The following TTC39C variants were observed in gnomAD, a reference collection of about 807,000 sequenced individuals.
TTC39C encodes the protein tetratricopeptide repeat domain 39C.
TTC39C carries 33 observed loss-of-function variants against 76.3 expected under a neutral mutation model. The ratio of observed to expected loss-of-function variants is 0.43; its 90% CI spans 0.33 to 0.58. TTC39C has a LOEUF of 0.58. TTC39C is among the 20% of genes least tolerant of loss of function. TTC39C has a pLI of 0.04. For synonymous variants in TTC39C, 254 were observed against 260.6 expected, an observed-to-expected ratio of 0.97 and a Z score of 0.24; for missense variants, 595 against 701.4, an observed-to-expected ratio of 0.85 and a Z score of 1.71.
rs78310103 is a variant in TTC39C at position 24,116,035 on chromosome 18, A to C, written c.1078+1388A>C. 1.4e-4 allele frequency among the ~76,000 whole-genome samples: 21 copies of C among 152,368 alleles called. No homozygotes were observed. The East Asian group carries it at 4.0e-3, about 29-fold the overall frequency. On this transcript the variant is annotated intron_variant, in intron 7 of 13. Coordinates refer to ENST00000317571, the MANE Select transcript of TTC39C (RefSeq NM_001135993.2). The stretch of plus-strand genomic sequence containing the variant: ...TAGGAAGGTTAACTCAGGAGTTGGT[A>C]GTAACTCGGGCTTCCGATTCAGGCT...
chr18:24,066,550 A>G (rs2084168167), intron 3 of TTC39C, among the ~76,000 whole-genome samples: 1 of 152,200 alleles, frequency 6.6e-6, no homozygotes, highest in Non-Finnish European at 1.5e-5. Flanking sequence ...ATAAATAGTC[A>G]TAATACCATC....
chr18:24,099,027 GTGTGTGTGTA>G (rs2084639316), intron 6 of TTC39C, among the ~76,000 whole-genome samples: 1 of 147,240 alleles, frequency 6.8e-6, no homozygotes, highest in Non-Finnish European at 1.5e-5. Flanking sequence ...GTGTGTGTGT[GTGTGTGTGTA>G]TATATATATC....
upstream of TTC39C, chr18:24,014,685 G>T (rs1369982693): frequency 8.6e-6 from 8 of 929,994 alleles, no homozygotes; most frequent in African/African-American, 3.5e-5. Flanking sequence ...ACGCCGCGCC[G>T]CAGCCGGGCC....
chr18:24,102,762 C>CTGA (rs2084694196), intron 6 of TTC39C, among the ~76,000 whole-genome samples: 1 of 152,164 alleles, frequency 6.6e-6, no homozygotes, highest in South Asian at 2.1e-4. Flanking sequence ...GTTGGCCCCT[C>CTGA]TGATGATGAT....
chr18:24,044,049 TG>T (rs2083831711), intron 1 of TTC39C, among the ~76,000 whole-genome samples: 1 of 75,968 alleles, frequency 1.3e-5, no homozygotes, highest in African/African-American at 4.2e-5. Context: ...CATTTGTGTA[TG>T]TTTGTGTGTG....
At chr18:24,031,146 T>C (rs1286598466) in intron 1 of TTC39C, among the ~76,000 whole-genome samples, 1 of 143,568 alleles carries the variant, frequency 7.0e-6, no homozygotes, top group Non-Finnish European at 1.5e-5. Context: ...TAAGTAGAGC[T>C]GGGGTTTCGC....
Position 24,082,956 on chromosome 18 carries a change from G to A in TTC39C, c.859G>A (p.Ala287Thr). 4 of 1,610,324 alleles carry A rather than the reference G, an allele frequency of 2.5e-6. No individual in the cohort carries two copies. Among genetic ancestry groups the A allele is most frequent in the Non-Finnish European group, 3.4e-6 (4 of 1,178,694 alleles). Residue 287 changes from alanine (A) to threonine (T), a missense_variant, in exon 6 of 14, where the codon GCC (alanine) becomes ACC (threonine). Physicochemically the swap from Ala to Thr is moderately conservative, Grantham distance 58 (BLOSUM62 0). Transcript: ENST00000317571. Reference sequence around the variant, plus strand: ...TCATACTGTAGTCCGCCCGTTTTTTGCCTTGGATGGCAGTGATAACAAGGC... The same window carrying A: ...TCATACTGTAGTCCGCCCGTTTTTTACCTTGGATGGCAGTGATAACAAGGC... ...WYHTVVRPFF[A>T]LDGSDNKAGL...
At chr18:23,994,250 GT>G (rs1456377160) in intron 1 of TTC39C, 5 of 143,968 alleles carry the variant, frequency 3.5e-5, no homozygotes, top group Non-Finnish European at 7.5e-5. Flanking sequence ...TTGTGCCACG[GT>G]TTTTGTTTAA....
In TTC39C at chr18:24,134,267, T is replaced by G. The variant is rs1388362591; in HGVS notation, c.*1693T>G. Reference sequence around the variant, plus strand: ...AAATATTGGACATCTGTTTTTTGTTTTTTTTTTTTTTTTTTTTTTTTTTTG... The same window carrying G: ...AAATATTGGACATCTGTTTTTTGTTGTTTTTTTTTTTTTTTTTTTTTTTTG... On this transcript the variant is annotated 3_prime_UTR_variant, in exon 14 of 14. Coordinates refer to ENST00000317571, the MANE Select transcript of TTC39C (RefSeq NM_001135993.2). 12 of 112,738 alleles carry G rather than the reference T, an allele frequency of 1.1e-4. No homozygotes were observed. Among genetic ancestry groups the G allele is most frequent in the Middle Eastern group, 4.1e-3 (1 of 244 alleles). 7.0% of individuals were successfully genotyped at this position (112,738 alleles called of 1,614,324 possible).
At chr18:24,014,736 C>A, upstream of TTC39C, 1 of 1,137,632 alleles carries the variant, frequency 8.8e-7, no homozygotes, top group Non-Finnish European at 1.1e-6. Context: ...TCTTCCCTCC[C>A]GTCTTCTCCC....
intron 1 of TTC39C, among the ~76,000 whole-genome samples, chr18:24,029,636 G>A (rs2083643842): frequency 6.6e-6 from 1 of 152,122 alleles, no homozygotes; most frequent in African/African-American, 2.4e-5. Flanking sequence ...CTTAATGTGT[G>A]GTCTTTTATC....
chr18:23,993,976 T>C (rs2083239865), intron 1 of TTC39C, among the ~76,000 whole-genome samples: 1 of 152,220 alleles, frequency 6.6e-6, no homozygotes, highest in African/African-American at 2.4e-5. Context: ...TTAAATGAAT[T>C]GTTGCCATTA....
intron 6 of TTC39C, among the ~76,000 whole-genome samples, chr18:24,101,275 T>C (rs1599325998): frequency 6.6e-6 from 1 of 150,920 alleles, no homozygotes; most frequent in African/African-American, 2.4e-5. Flanking sequence ...GGATTATTTC[T>C]GCTTTTTACA....
At chr18:24,007,795 T>C (rs2083365873) in intron 1 of TTC39C, among the ~76,000 whole-genome samples, 1 of 152,238 alleles carries the variant, frequency 6.6e-6, no homozygotes, top group Non-Finnish European at 1.5e-5. Context: ...TAATCATCTC[T>C]ATATGATGCA....
intron 10 of TTC39C, among the ~76,000 whole-genome samples, chr18:24,128,410 T>C (rs541049773): frequency 6.7e-6 from 1 of 149,046 alleles, no homozygotes; most frequent in African/African-American, 2.4e-5. Flanking sequence ...TCTATCTATA[T>C]ATAATATTAT....
rs77336835 is a variant in TTC39C, at chr18:24,112,881, A to G, written c.985-1673A>G. Reference sequence around the variant, plus strand: ...GAACTGTTGATCCCAAAAGGGAAAAATTAGACATAGGGTGTGACGTGTCTA... The same window carrying G: ...GAACTGTTGATCCCAAAAGGGAAAAGTTAGACATAGGGTGTGACGTGTCTA... On this transcript the variant is annotated intron_variant, in intron 6 of 13. Coordinates refer to ENST00000317571, the MANE Select transcript of TTC39C (RefSeq NM_001135993.2). Among the ~76,000 whole-genome samples, 84 of 152,344 alleles carry G rather than the reference A, an allele frequency of 5.5e-4. 2 individuals carry two copies. The East Asian group carries it at 0.016, about 28-fold the overall frequency.
At chr18:24,073,604 G>A (rs2084267629) in intron 4 of TTC39C, among the ~76,000 whole-genome samples, 1 of 151,800 alleles carries the variant, frequency 6.6e-6, no homozygotes, top group Non-Finnish European at 1.5e-5. Context: ...CAGCCTTGAG[G>A]TCCCAGGTTC....
intron 1 of TTC39C, among the ~76,000 whole-genome samples, chr18:24,043,703 C>T (rs2083825890): frequency 6.6e-6 from 1 of 152,182 alleles, no homozygotes; most frequent in Admixed American, 6.5e-5. Flanking sequence ...ATATTCAGAG[C>T]TCACTGAAGT....
intron 1 of TTC39C, among the ~76,000 whole-genome samples, chr18:24,050,121 C>A (rs542983456): frequency 2.6e-5 from 4 of 152,304 alleles, no homozygotes; most frequent in Non-Finnish European, 4.4e-5. Flanking sequence ...AGCCCCCAGT[C>A]GCCAATGCCT....
Sources: gnomAD v4.1 joint callset for allele counts (sites outside exome capture counted in the v4.1 genomes callset) on GRCh38, gnomAD v4.1.1 for gene constraint, MANE v1.5 for transcripts, NCBI Gene and HGNC (gene_info 2026-07-23, HGNC 2026-07-21) for gene names.